The following DOCK3 variants were observed in gnomAD, a reference collection of about 807,000 sequenced individuals.
The protein encoded by DOCK3 is dedicator of cytokinesis protein 3.
In DOCK3, 60 loss-of-function variants were observed where a neutral mutation model predicts 265.6. That is an observed-to-expected ratio of 0.23 (90% confidence interval 0.18 to 0.28). DOCK3 has a LOEUF of 0.28. Ranked by LOEUF, DOCK3 falls within the 10% of genes least tolerant of loss-of-function variation. DOCK3 has a pLI of 1.00. For missense variants in DOCK3, 1,981 were observed against 2,594.3 expected (o/e 0.76, Z 5.14); for synonymous variants, 881 against 938.0 (o/e 0.94, Z 1.11).
intron 9 of DOCK3, among the ~76,000 whole-genome samples, chr3:51,115,077 C>A (rs1052117578): frequency 8.6e-5 from 13 of 151,452 alleles, no homozygotes; most frequent in Non-Finnish European, 1.9e-4. Flanking sequence ...GGTTGGTTAT[C>A]TATTGTGAAT....
At chr3:51,000,389 C>T (rs923013123) in intron 5 of DOCK3, among the ~76,000 whole-genome samples, 7 of 152,198 alleles carry the variant, frequency 4.6e-5, no homozygotes, top group African/African-American at 7.2e-5. Context: ...TTCTGCTCCC[C>T]TCAGAACCAG....
At chr3:50,732,035 A>C (rs2038245577) in intron 1 of DOCK3, among the ~76,000 whole-genome samples, 1 of 151,756 alleles carries the variant, frequency 6.6e-6, no homozygotes, top group Admixed American at 6.6e-5. Context: ...AGGTTAATGT[A>C]TTTAAAAAAA....
chr3:51,093,952 T>G (rs2082729617), intron 9 of DOCK3, among the ~76,000 whole-genome samples: 1 of 152,214 alleles, frequency 6.6e-6, no homozygotes, highest in African/African-American at 2.4e-5. Flanking sequence ...TTGGTTCTGT[T>G]TATGTGATGG....
chr3:51,227,794 G>A (rs1231217326), intron 16 of DOCK3, among the ~76,000 whole-genome samples, 188 bp from the exon 17 acceptor site: 1 of 152,146 alleles, frequency 6.6e-6, no homozygotes, highest in Non-Finnish European at 1.5e-5. Flanking sequence ...GGTCTAGGTA[G>A]CCTATATGCC....
intron 1 of DOCK3, among the ~76,000 whole-genome samples, chr3:50,746,562 C>T (rs1168038063): frequency 6.6e-6 from 1 of 152,090 alleles, no homozygotes; most frequent in African/African-American, 2.4e-5. Flanking sequence ...TGTGTTAGTC[C>T]ATTCTTGTTT....
intron 1 of DOCK3, among the ~76,000 whole-genome samples, chr3:50,732,562 G>A (rs2038290689): frequency 6.6e-6 from 1 of 152,092 alleles, no homozygotes; most frequent in Non-Finnish European, 1.5e-5. Flanking sequence ...ACACCATCAT[G>A]CCTGGCTGAT....
intron 49 of DOCK3, among the ~76,000 whole-genome samples, chr3:51,363,119 G>T (rs1050288779): frequency 8.5e-5 from 13 of 152,360 alleles, no homozygotes; most frequent in African/African-American, 2.9e-4. Flanking sequence ...TTTTTCTTCA[G>T]TTGGGAAAGG....
chr3:50,886,914 A>G (rs1243475995), intron 3 of DOCK3, among the ~76,000 whole-genome samples: 1 of 152,174 alleles, frequency 6.6e-6, no homozygotes, highest in African/African-American at 2.4e-5. Flanking sequence ...AAAGCAGGAA[A>G]GATCCAAAAT....
chr3:51,190,286 G>T (rs1249549082), intron 12 of DOCK3, among the ~76,000 whole-genome samples: 2 of 152,164 alleles, frequency 1.3e-5, no homozygotes, highest in African/African-American at 2.4e-5. Context: ...CATACTGCAG[G>T]CTGGTGCTGG....
chr3:51,050,097 A>T (rs952195383), intron 5 of DOCK3, among the ~76,000 whole-genome samples: 1 of 152,166 alleles, frequency 6.6e-6, no homozygotes, highest in Non-Finnish European at 1.5e-5. Flanking sequence ...GGATTGAAAA[A>T]AATTAGCTGG....
intron 7 of DOCK3, among the ~76,000 whole-genome samples, chr3:51,088,573 A>C: frequency 6.6e-6 from 1 of 152,222 alleles, no homozygotes. Context: ...ATTTTTAAAA[A>C]ATTGAAAACC....
At chr3:51,152,958 G>A (rs1347682926) in intron 10 of DOCK3, among the ~76,000 whole-genome samples, 1 of 152,234 alleles carries the variant, frequency 6.6e-6, no homozygotes, top group Non-Finnish European at 1.5e-5. Context: ...CGAGGGTCAG[G>A]GACCCACTTG....
chr3:51,333,477 G>A (rs1414717460), intron 35 of DOCK3, among the ~76,000 whole-genome samples: 3 of 152,174 alleles, frequency 2.0e-5, no homozygotes, highest in Non-Finnish European at 4.4e-5. Flanking sequence ...CTAAAATGTG[G>A]GCACATGTAC....
intron 9 of DOCK3, among the ~76,000 whole-genome samples, chr3:51,105,699 G>C (rs775540329): frequency 2.0e-5 from 3 of 152,206 alleles, no homozygotes; most frequent in Non-Finnish European, 4.4e-5. Flanking sequence ...GATGGAGCCA[G>C]AAGAACATTT....
intron 12 of DOCK3, among the ~76,000 whole-genome samples, chr3:51,177,747 T>G (rs534126135): frequency 6.6e-6 from 1 of 152,230 alleles, no homozygotes; most frequent in East Asian, 1.9e-4. Context: ...TCCCAGAACT[T>G]TGGGAGGCCG....
At chr3:51,293,802 G>C (rs2081922646) in intron 27 of DOCK3, among the ~76,000 whole-genome samples, 1 of 152,082 alleles carries the variant, frequency 6.6e-6, no homozygotes, top group Non-Finnish European at 1.5e-5. Flanking sequence ...ATTGGCAAAG[G>C]ACTTGAGTAG....
intron 14 of DOCK3, among the ~76,000 whole-genome samples, chr3:51,216,217 C>T (rs1358463129): frequency 6.6e-6 from 1 of 152,150 alleles, no homozygotes; most frequent in Non-Finnish European, 1.5e-5. Flanking sequence ...AAGGAACAAG[C>T]TTCAGTCAAA....
chr3:51,087,394 A>G (rs2082465840), intron 7 of DOCK3, among the ~76,000 whole-genome samples: 1 of 152,242 alleles, frequency 6.6e-6, no homozygotes, highest in Non-Finnish European at 1.5e-5. Context: ...CAATATGATC[A>G]TCTCAATAGT....
At chr3:50,843,580 G>A (rs958559736) in intron 3 of DOCK3, among the ~76,000 whole-genome samples, 3 of 152,152 alleles carry the variant, frequency 2.0e-5, no homozygotes, top group Admixed American at 6.5e-5. Context: ...ACTCTTAGCA[G>A]TGTTTTGACA....
Sources: gnomAD v4.1 joint callset for allele counts (sites outside exome capture counted in the v4.1 genomes callset) on GRCh38, gnomAD v4.1.1 for gene constraint, MANE v1.5 for transcripts, NCBI Gene and HGNC (gene_info 2026-07-23, HGNC 2026-07-21) for gene names.